The following NAP1L1 variants were observed in gnomAD, a reference collection of about 807,000 sequenced individuals.
NAP1L1 encodes the protein nucleosome assembly protein 1-like 1.
Under a neutral mutation model 58.9 loss-of-function variants are expected in NAP1L1, and 9 were observed. That is an observed-to-expected ratio of 0.15 (90% confidence interval 0.09 to 0.27). The LOEUF (loss-of-function observed/expected upper bound fraction) is 0.27, where lower values mean the gene tolerates loss of function less well. Among genes scored for constraint, NAP1L1 ranks in the 10% least tolerant of loss-of-function variants. NAP1L1 has a pLI of 1.00. For missense variants in NAP1L1, 302 were observed against 458.8 expected (o/e 0.66, Z 3.12); for synonymous variants, 130 against 138.3 (o/e 0.94, Z 0.42).
chr12:76,041,867 T>C lies in NAP1L1; in HGVS notation c.*6562A>G, dbSNP rs1489670537. ...AAGGGATAACCTGAATAATGACAATTTGGGTATTCTGAAGCATGAGAAATC... is the reference window on the plus strand; with the variant it reads ...AAGGGATAACCTGAATAATGACAATCTGGGTATTCTGAAGCATGAGAAATC... On this transcript the variant is annotated 3_prime_UTR_variant, in exon 15 of 15. Coordinates refer to ENST00000618691, the MANE Select transcript of NAP1L1 (RefSeq NM_004537.7). 2 of 152,196 alleles carry C rather than the reference T, an allele frequency of 1.3e-5. No individual in the cohort carries two copies. The highest frequency in any genetic ancestry group is 1.5e-5 in the Non-Finnish European group (1 of 68,044). The allele number at this position is 152,196 out of a possible 1,614,324, so 9.4% of individuals were successfully genotyped here.
chr12:76,067,553 G>A (rs1949739299), intron 3 of NAP1L1, 80 bp from the exon 4 acceptor site: 1 of 1,171,568 alleles, frequency 8.5e-7, no homozygotes, highest in Non-Finnish European at 1.2e-6. Flanking sequence ...CCAATCTCAT[G>A]AAGTTTTCCT....
chr12:76,043,038 A>ATT lies in NAP1L1; in HGVS notation c.*5390_*5391insAA, dbSNP rs1948565740. ...TTTATTCAGCAATTTTTTTAAATAA[A>ATT]GCTTTTGTTCTTGGCTAAGTAAATT... On this transcript the variant is annotated 3_prime_UTR_variant, in exon 15 of 15. Transcript: ENST00000618691. 6.6e-6 allele frequency: 1 copy of ATT among 152,204 alleles called. No individual in the cohort carries two copies. Among genetic ancestry groups the ATT allele is most frequent in the Non-Finnish European group, 1.5e-5 (1 of 68,032 alleles). 9.4% of individuals were successfully genotyped at this position (152,204 alleles called of 1,614,324 possible). A position where few individuals can be genotyped will look rare whatever the true frequency, so the allele number is the denominator to read the frequency against.
At chr12:76,059,230 A>C (rs1003228290) in intron 6 of NAP1L1, among the ~76,000 whole-genome samples, 13 of 152,270 alleles carry the variant, frequency 8.5e-5, no homozygotes, top group African/African-American at 3.1e-4. Context: ...TTAAAGAATC[A>C]TATTTTCTAA....
chr12:76,061,715 G>A (rs1949425359), intron 4 of NAP1L1, among the ~76,000 whole-genome samples: 1 of 152,140 alleles, frequency 6.6e-6, no homozygotes, highest in South Asian at 2.1e-4. Flanking sequence ...AAACTTTCCT[G>A]CCACAAACTT....
At chr12:76,081,208 C>G (rs1049164389) in intron 1 of NAP1L1, among the ~76,000 whole-genome samples, 9 of 152,152 alleles carry the variant, frequency 5.9e-5, no homozygotes, top group Non-Finnish European at 1.0e-4. Context: ...ATTATCTCAT[C>G]ATAAGTTATC....
intron 4 of NAP1L1, among the ~76,000 whole-genome samples, chr12:76,067,040 A>C (rs1034312476): frequency 4.6e-5 from 7 of 152,244 alleles, no homozygotes; most frequent in Admixed American, 2.6e-4. Flanking sequence ...TAAGATATTC[A>C]TGCTATTAAT....
chr12:76,049,429 C>G, intron 13 of NAP1L1, 179 bp from the exon 14 acceptor site: 3 of 1,534,578 alleles, frequency 2.0e-6, no homozygotes, highest in Non-Finnish European at 2.6e-6. Flanking sequence ...CCCAACACAA[C>G]TTGAGACATC....
chr12:76,057,312 G>A (rs967572627), intron 6 of NAP1L1: 1 of 323,496 alleles, frequency 3.1e-6, no homozygotes, highest in Non-Finnish European at 6.0e-6. Context: ...ACTATAAAAT[G>A]TAAGGAAATA....
intron 2 of NAP1L1, among the ~76,000 whole-genome samples, chr12:76,070,551 A>C (rs1037987883): frequency 6.6e-6 from 1 of 152,220 alleles, no homozygotes; most frequent in Non-Finnish European, 1.5e-5. Flanking sequence ...AAGGCTTTAA[A>C]ACAGCTGTCC....
chr12:76,082,004 T>C lies in NAP1L1; in HGVS notation c.-21+2563A>G, dbSNP rs17116208. ...TCTTTTGCTCATGACATAAGATACA[T>C]GTCCATACAGGTGCTAGATAGTTAC... On this transcript the variant is annotated intron_variant, in intron 1 of 14. Transcript: ENST00000618691. 3.6e-3 allele frequency among the ~76,000 whole-genome samples: 554 copies of C among 152,316 alleles called. 12 individuals carry two copies. Among genetic ancestry groups the C allele is most frequent in the East Asian group, 0.023 (118 of 5,186 alleles).
At chr12:76,054,637 C>T (rs1032890240) in intron 8 of NAP1L1, among the ~76,000 whole-genome samples, 15 of 152,062 alleles carry the variant, frequency 9.9e-5, no homozygotes, top group African/African-American at 3.4e-4. Context: ...GCAGTTTTGC[C>T]CTTAGTTGAC....
chr12:76,083,644 C>T (rs2137131679), intron 1 of NAP1L1, among the ~76,000 whole-genome samples: 1 of 152,282 alleles, frequency 6.6e-6, no homozygotes, highest in East Asian at 1.9e-4. Flanking sequence ...CTGGGAAACA[C>T]AATAACAACC....
At chr12:76,059,717 C>T in intron 6 of NAP1L1, 81 bp downstream of exon 6, 1 of 948,448 alleles carries the variant, frequency 1.1e-6, no homozygotes, top group Non-Finnish European at 1.7e-6. Flanking sequence ...ATATTGTACT[C>T]CATCATTAAA....
chr12:76,068,144 C>T (rs550165444), intron 3 of NAP1L1, among the ~76,000 whole-genome samples: 1 of 152,210 alleles, frequency 6.6e-6, no homozygotes, highest in East Asian at 1.9e-4. Flanking sequence ...ACTTAATTTT[C>T]CCAATTACTT....
At chr12:76,067,518 T>C (rs1313025233) in intron 3 of NAP1L1, 45 bp from the exon 4 acceptor site, 3 of 1,471,900 alleles carry the variant, frequency 2.0e-6, no homozygotes, top group African/African-American at 1.4e-5. Flanking sequence ...TATGAAAATG[T>C]ATTATGCTTT....
chr12:76,079,476 C>T (rs1425622203), intron 1 of NAP1L1, among the ~76,000 whole-genome samples: 3 of 151,918 alleles, frequency 2.0e-5, no homozygotes, highest in African/African-American at 4.8e-5. Flanking sequence ...CTTCAACATA[C>T]CTCCTTAAAA....
Position 76,058,194 on chromosome 12 carries a change from C to CAT in NAP1L1, c.429+1602_429+1603dup, listed in dbSNP as rs3082540. On this transcript the variant is annotated intron_variant, in intron 6 of 14. Transcript: ENST00000618691. ...ATATGGCCAAAGGGAGAGAGGCCTA[C>CAT]ATATATATATATATATATATATATA... 4.4e-3 allele frequency: 1,626 copies of CAT among 370,576 alleles called. 16 individuals carry two copies. Among genetic ancestry groups the CAT allele is most frequent in the African/African-American group, 0.016 (582 of 37,450 alleles). The allele number at this position is 370,576 out of a possible 1,614,324, so 23.0% of individuals were successfully genotyped here.
At chr12:76,064,293 G>C (rs1019747573) in intron 4 of NAP1L1, among the ~76,000 whole-genome samples, 1 of 151,920 alleles carries the variant, frequency 6.6e-6, no homozygotes, top group East Asian at 1.9e-4. Flanking sequence ...ACCTAATATG[G>C]CTCCAAAATA....
At chr12:76,055,635 C>T (rs1949049142) in intron 7 of NAP1L1, among the ~76,000 whole-genome samples, 1 of 152,148 alleles carries the variant, frequency 6.6e-6, no homozygotes, top group Non-Finnish European at 1.5e-5. Context: ...AGAATGTAAC[C>T]ATTGTGAATG....
Sources: gnomAD v4.1 joint callset for allele counts (sites outside exome capture counted in the v4.1 genomes callset) on GRCh38, gnomAD v4.1.1 for gene constraint, MANE v1.5 for transcripts, NCBI Gene and HGNC (gene_info 2026-07-23, HGNC 2026-07-21) for gene names.